The following EVC variants were observed in gnomAD, a reference collection of about 807,000 sequenced individuals.
EVC encodes the protein EvC ciliary complex subunit 1.
In EVC, 116 loss-of-function variants were observed where a neutral mutation model predicts 118.9. The ratio of observed to expected loss-of-function variants is 0.98; its 90% confidence interval spans 0.84 to 1.14. The LOEUF (loss-of-function observed/expected upper bound fraction) is 1.14. EVC is among the 50% of genes most tolerant of loss of function. EVC has a pLI of 0.00. For synonymous variants in EVC, 619 were observed against 534.7 expected (o/e 1.16, Z -2.18); for missense variants, 1,401 against 1,246.4 (o/e 1.12, Z -1.87).
At chr4:5,779,086 A>G (rs1735185367) in intron 11 of EVC, among the ~76,000 whole-genome samples, 1 of 152,126 alleles carries the variant, frequency 6.6e-6, no homozygotes, top group Admixed American at 6.5e-5. Context: ...AGCACCATTT[A>G]TTAAGTAGGG....
intron 17 of EVC, among the ~76,000 whole-genome samples, chr4:5,805,584 T>G (rs1715738864): frequency 6.6e-6 from 1 of 152,226 alleles, no homozygotes; most frequent in Non-Finnish European, 1.5e-5. Context: ...TTGCAGGTTC[T>G]GGGCCCACAC....
chr4:5,712,512 T>A (rs1397197847), intron 1 of EVC, among the ~76,000 whole-genome samples: 1 of 152,136 alleles, frequency 6.6e-6, no homozygotes, highest in African/African-American at 2.4e-5. Context: ...CTATTTTAGG[T>A]CCTTGCAACT....
At chr4:5,820,456 A>G in the EVC span, among the ~76,000 whole-genome samples, 1 of 152,192 alleles carries the variant, frequency 6.6e-6, no homozygotes, top group Non-Finnish European at 1.5e-5. Context: ...AGGAGATTGG[A>G]GCTTCCAGTC....
Position 5,783,614 on chromosome 4 carries a change from G to C in EVC, c.1626G>C (p.Thr542=), listed in dbSNP as rs1233328481. ...TCGTGGATGCCCTGTTCCTTCAGAC[G>C]CTCCCTGGCATGACTGGCCTCCCCC... ...QKFVDALFLQ[T]LPGMTGLPPE... is the part of the protein sequence containing the mutation. Residue 542 remains threonine (T), a synonymous_variant, in exon 12 of 21, where the codon ACG becomes ACC. Coordinates refer to ENST00000264956, the MANE Select transcript of EVC (RefSeq NM_153717.3). The C allele has an allele frequency of 6.2e-7, 1 of 1,614,134 alleles. No homozygotes were observed. Among genetic ancestry groups the C allele is most frequent in the Non-Finnish European group, 8.5e-7 (1 of 1,180,012 alleles).
the EVC span, chr4:5,828,748 CATT>C: frequency 6.7e-6 from 10 of 1,494,266 alleles, no homozygotes; most frequent in East Asian, 1.8e-4. Flanking sequence ...TTTTGCCTAA[CATT>C]ATATCATAAG....
intron 11 of EVC, among the ~76,000 whole-genome samples, chr4:5,767,746 G>A (rs1285865515): frequency 6.6e-6 from 1 of 152,110 alleles, no homozygotes; most frequent in African/African-American, 2.4e-5. Flanking sequence ...GCAATGCCTC[G>A]CCCTGCTTCG....
chr4:5,761,991 C>T (rs1050611021), intron 11 of EVC, among the ~76,000 whole-genome samples: 1 of 150,624 alleles, frequency 6.6e-6, no homozygotes, highest in African/African-American at 2.5e-5. Context: ...CATGCTGGTG[C>T]GCTGCACCCA....
At chr4:5,759,643 A>G (rs1439151473) in intron 11 of EVC, among the ~76,000 whole-genome samples, 1 of 152,218 alleles carries the variant, frequency 6.6e-6, no homozygotes, top group Non-Finnish European at 1.5e-5. Flanking sequence ...ATTGAGGTAC[A>G]GGTTAGATCA....
Position 5,741,791 on chromosome 4 carries a change from A to C in EVC, c.778A>C (p.Lys260Gln), listed in dbSNP as rs779448920. The change falls in exon 6 of 21, where the codon AAG becomes CAG. Residue 260 changes from lysine (K) to glutamine (Q), a missense_variant. Coordinates refer to ENST00000264956, the MANE Select transcript of EVC (RefSeq NM_153717.3). ...KKKSDDELYQ[K>Q]ILSKQEKDLE... ...GAAGTCAGATGATGAACTATACCAG[A>C]AGATCCTTTCAAAACAAGAAAAAGT... 2.6e-6 allele frequency: 4 copies of C among 1,525,228 alleles called. No homozygotes were observed. The Admixed American group carries it at 5.0e-5, about 19-fold the overall frequency. The allele number at this position is 1,525,228 out of a possible 1,614,324, so 94.5% of individuals were successfully genotyped here.
chr4:5,803,003 C>T (rs569486097), intron 16 of EVC, among the ~76,000 whole-genome samples: 14 of 152,270 alleles, frequency 9.2e-5, no homozygotes, highest in East Asian at 3.9e-4. Context: ...TTAAAGCCAC[C>T]GCAGTGACCA....
intron 11 of EVC, among the ~76,000 whole-genome samples, chr4:5,757,473 C>A (rs1731344655): frequency 6.6e-6 from 1 of 152,220 alleles, no homozygotes; most frequent in African/African-American, 2.4e-5. Context: ...TGGTGAATAC[C>A]ACTGACTGGT....
rs1315363704 is a variant in EVC at position 5,766,415 on chromosome 4, G to T, written c.1563+10053G>T. ...GCTCTTCTCGAGGAGTATCTTGGTG[G>T]CGTTCTCTGTATTTCCTGAATCTGA... is the stretch of plus-strand genomic sequence containing the variant. On this transcript the variant is annotated intron_variant, in intron 11 of 20. Coordinates refer to ENST00000264956, the MANE Select transcript of EVC (RefSeq NM_153717.3). Among the ~76,000 whole-genome samples the T allele has an allele frequency of 5.2e-4, 70 of 133,412 alleles. 1 individual carries two copies. Among genetic ancestry groups the T allele is most frequent in the African/African-American group, 2.0e-3 (69 of 34,464 alleles). The allele number at this position is 133,412 out of a possible 152,430, so 87.5% of individuals were successfully genotyped here. A position where few individuals can be genotyped will look rare whatever the true frequency, so the allele number is the denominator to read the frequency against.
intron 12 of EVC, among the ~76,000 whole-genome samples, chr4:5,788,608 C>T (rs1712158511): frequency 6.6e-6 from 1 of 152,180 alleles, no homozygotes; most frequent in Non-Finnish European, 1.5e-5. Flanking sequence ...TTGGGGTCAT[C>T]CTCGACTCCT....
chr4:5,755,960 G>C lies in EVC; in HGVS notation c.1465-304G>C, dbSNP rs1402458304. Among the ~76,000 whole-genome samples the C allele has an allele frequency of 6.6e-6, 1 of 152,220 alleles. No individual in the cohort carries two copies. The highest frequency in any genetic ancestry group is 1.5e-5 in the Non-Finnish European group (1 of 68,048). Reference sequence around the variant, plus strand: ...CTTCCATGGCCTGGGTGGTCAGAAAGTGATGTCTGGGTGGCTGCAGCCAGG... The same window carrying C: ...CTTCCATGGCCTGGGTGGTCAGAAACTGATGTCTGGGTGGCTGCAGCCAGG... On this transcript the variant is annotated intron_variant, in intron 10 of 20. Transcript: ENST00000264956. This position sits in a 1 kb window ranked among gnomAD's most constrained non-coding sequence, Gnocchi z 4.1.
intron 11 of EVC, among the ~76,000 whole-genome samples, chr4:5,758,815 C>G (rs562545165): frequency 1.3e-5 from 2 of 152,316 alleles, no homozygotes; most frequent in South Asian, 4.1e-4. Flanking sequence ...GTTGTGAAAC[C>G]TCGCTTCTTG....
Position 5,719,522 on chromosome 4 carries a change from T to C in EVC, c.300+149T>C, listed in dbSNP as rs1724586376. 1.7e-6 allele frequency: 2 copies of C among 1,163,342 alleles called. No individual in the cohort carries two copies. Among genetic ancestry groups the C allele is most frequent in the South Asian group, 1.3e-5 (1 of 78,070 alleles). 72.1% of individuals were successfully genotyped at this position (1,163,342 alleles called of 1,614,324 possible). ...GAGGCATAATTTACATACAGTCAAA[T>C]GCGCAGACTTTAGGTTTTACAGTTT... is the stretch of plus-strand genomic sequence containing the variant. On this transcript the variant is annotated intron_variant, in intron 2 of 20. Transcript: ENST00000264956. The surrounding 1 kb of genome is among the most constrained non-coding windows in gnomAD (Gnocchi z 4.7).
rs1164195516 is a variant in EVC at position 5,765,284 on chromosome 4, C to G, written c.1563+8922C>G. On this transcript the variant is annotated intron_variant, in intron 11 of 20. Transcript: ENST00000264956. ...TCTGAGAGATAGTTTGTTATAAATT[C>G]TATTCTTTTACATTTGCTGAGGAGA... Among the ~76,000 whole-genome samples, 4 of 117,066 alleles carry G rather than the reference C, an allele frequency of 3.4e-5. 2 individuals are homozygous for G. Among genetic ancestry groups the G allele is most frequent in the African/African-American group, 6.7e-5 (2 of 29,946 alleles). 76.8% of individuals were successfully genotyped at this position (117,066 alleles called of 152,430 possible).
At chr4:5,747,163 C>A (rs1729485273) in intron 7 of EVC, among the ~76,000 whole-genome samples, 1 of 152,116 alleles carries the variant, frequency 6.6e-6, no homozygotes, top group African/African-American at 2.4e-5. Context: ...GGGTGTTCAT[C>A]TGGGTGCAGG....
chr4:5,825,742 G>A, the EVC span: 30 of 1,457,176 alleles, frequency 2.1e-5, no homozygotes, highest in African/African-American at 8.6e-5. The surrounding 1 kb of genome is among the most constrained non-coding windows in gnomAD (Gnocchi z 4.4). Flanking sequence ...CCCTGCGGGC[G>A]AGAGAGAAAC....
Sources: allele counts gnomAD v4.1 joint callset (sites outside exome capture counted in the v4.1 genomes callset), GRCh38; gene constraint gnomAD v4.1.1; non-coding constraint Gnocchi (gnomAD v3.1); transcripts MANE v1.5; gene names NCBI Gene and HGNC (gene_info 2026-07-23, HGNC 2026-07-21).